PCDHA3: variants seen among roughly 807,000 people sequenced by gnomAD.
PCDHA3 encodes the protein protocadherin alpha-3.
Under a neutral mutation model 62.2 loss-of-function variants are expected in PCDHA3, and 41 were observed. The observed-to-expected ratio is 0.66, with a 90% CI of 0.51 to 0.86. The LOEUF is 0.86. Among genes scored for constraint, PCDHA3 ranks in the 40% least tolerant of loss-of-function variants. PCDHA3 has a pLI of 0.00. For missense variants in PCDHA3, 1,304 were observed against 1,241.2 expected, an observed-to-expected ratio of 1.05 and a Z score of -0.76; for synonymous variants, 640 against 555.4, an observed-to-expected ratio of 1.15 and a Z score of -2.14.
In PCDHA3 at chr5:140,843,131, A is replaced by T. The variant is rs1778597379; in HGVS notation, c.2394+39540A>T. 3 of 1,596,044 alleles carry T rather than the reference A, an allele frequency of 1.9e-6. No homozygotes were observed. The African/African-American group carries it at 4.0e-5, about 21-fold the overall frequency. On this transcript the variant is annotated intron_variant, in intron 1 of 3. Coordinates refer to ENST00000522353, the MANE Select transcript of PCDHA3 (RefSeq NM_018906.3). ...CGCAGTGGACGCCGACTCGGGCTAC[A>T]ACGCGTGGCTTTCGTATGAGCTGCA...
chr5:140,876,685 T>C, intron 1 of PCDHA3: 1 of 1,614,216 alleles, frequency 6.2e-7, no homozygotes, highest in Non-Finnish European at 8.5e-7. Flanking sequence ...CAAGAATTAC[T>C]ACTCGTTGGT....
chr5:140,909,684 G>A (rs2074634664), intron 1 of PCDHA3, among the ~76,000 whole-genome samples: 1 of 152,220 alleles, frequency 6.6e-6, no homozygotes, highest in Non-Finnish European at 1.5e-5. Context: ...GGGAGCCAAT[G>A]TGGGGGTTCT....
chr5:140,847,960 C>T (rs1781264454), intron 1 of PCDHA3: 1 of 152,930 alleles, frequency 6.5e-6, no homozygotes. Context: ...ACACTAGAAT[C>T]CTATTTCGAG....
chr5:140,843,262 G>T (rs2150356218), intron 1 of PCDHA3: 4 of 1,596,090 alleles, frequency 2.5e-6, no homozygotes, highest in Admixed American at 1.7e-5. Flanking sequence ...GCCACCGTCT[G>T]CTGGTCCTGG....
intron 1 of PCDHA3, chr5:140,803,798 T>G: frequency 1.3e-6 from 1 of 793,240 alleles, no homozygotes; most frequent in Non-Finnish European, 1.9e-6. Context: ...ATATCCACAC[T>G]TGTAATTTTG....
intron 1 of PCDHA3, among the ~76,000 whole-genome samples, chr5:140,840,661 C>T (rs1401967763): frequency 6.6e-6 from 1 of 151,916 alleles, no homozygotes; most frequent in East Asian, 1.9e-4. Flanking sequence ...AGAATATGCA[C>T]ATACATTTTT....
chr5:140,988,957 C>G (rs2097322513), intron 3 of PCDHA3: 1 of 152,120 alleles, frequency 6.6e-6, no homozygotes. Context: ...TTCCTTCAAG[C>G]CCCACGATGG....
intron 1 of PCDHA3, chr5:140,868,434 C>A (rs1581841717): frequency 6.6e-6 from 1 of 152,092 alleles, no homozygotes; most frequent in East Asian, 1.9e-4. Context: ...GAGAATAGAT[C>A]ATGTGGAACA....
At chr5:140,963,091 T>C (rs1250580965) in intron 1 of PCDHA3, among the ~76,000 whole-genome samples, 1 of 152,162 alleles carries the variant, frequency 6.6e-6, no homozygotes, top group African/African-American at 2.4e-5. Flanking sequence ...AAGACATGGC[T>C]CCTGCTTTCA....
rs1286159283 is a variant in PCDHA3 at position 140,856,342 on chromosome 5, C to G, written c.2394+52751C>G. The G allele has an allele frequency of 5.6e-6, 9 of 1,598,384 alleles. 1 individual carries two copies. In the Admixed American group the frequency reaches 1.3e-4, roughly 24 times the overall value. On this transcript the variant is annotated intron_variant, in intron 1 of 3. Transcript: ENST00000522353. ...ACCGCGAGGAGCTGTGCGGGCGGAG[C>G]GTGGAGTGCAGCATCCACCTGGAGG...
intron 1 of PCDHA3, among the ~76,000 whole-genome samples, chr5:140,902,579 A>G (rs2069572489): frequency 6.6e-6 from 1 of 152,078 alleles, no homozygotes. Flanking sequence ...TAAGATTTCA[A>G]TAGTTTTGGG....
At position 140,870,884 on chromosome 5, in the gene PCDHA3, G is replaced by T. The variant is rs376620715; in HGVS notation, c.2394+67293G>T. On this transcript the variant is annotated intron_variant, in intron 1 of 3. Coordinates refer to ENST00000522353, the MANE Select transcript of PCDHA3 (RefSeq NM_018906.3). ...GCGGGCCACGTGGTGGCGAAGGTGC[G>T]CGCAGTGGATGCGGACTCAGGCTAC... is the stretch of plus-strand genomic sequence containing the variant. The T allele has an allele frequency of 9.3e-6, 15 of 1,613,948 alleles. No individual in the cohort carries two copies. In the African/African-American group the frequency reaches 1.7e-4, roughly 19 times the overall value.
At chr5:140,988,503 GAA>G (rs2097300771) in intron 3 of PCDHA3, among the ~76,000 whole-genome samples, 1 of 152,152 alleles carries the variant, frequency 6.6e-6, no homozygotes, top group Non-Finnish European at 1.5e-5. Flanking sequence ...GAGAAGCCAT[GAA>G]GCTTACTTAA....
At chr5:140,830,868 G>A (rs2150190199) in intron 1 of PCDHA3, 7 of 153,410 alleles carry the variant, frequency 4.6e-5, no homozygotes, top group African/African-American at 9.6e-5. Context: ...ATCATATATT[G>A]AAATTTGAGC....
Position 140,801,489 on chromosome 5 carries a change from C to A in PCDHA3, c.292C>A (p.Arg98=). The part of the protein sequence containing the change: ...SRIDREELCG[R]SAECSIHLEV... ...GATAGACCGCGAGGAACTGTGCGGG[C>A]GGAGCGCGGAGTGCAGCATCCACCT... Residue 98 remains arginine (R), a synonymous_variant, in exon 1 of 4, where the codon CGG becomes AGG. Coordinates refer to ENST00000522353, the MANE Select transcript of PCDHA3 (RefSeq NM_018906.3). The A allele has an allele frequency of 2.5e-6, 4 of 1,614,092 alleles. 1 individual carries two copies. Among genetic ancestry groups the A allele is most frequent in the Non-Finnish European group, 2.5e-6 (3 of 1,180,042 alleles).
At chr5:140,857,718 A>G in intron 1 of PCDHA3, 1 of 1,597,160 alleles carries the variant, frequency 6.3e-7, no homozygotes, top group Non-Finnish European at 8.6e-7. Context: ...GTGCTGGACG[A>G]GAACGACAAC....
intron 1 of PCDHA3, among the ~76,000 whole-genome samples, chr5:140,920,909 C>A (rs2079923809): frequency 6.6e-6 from 1 of 151,058 alleles, no homozygotes; most frequent in Admixed American, 6.6e-5. Context: ...GTTCTCAAAT[C>A]AGTTCCAAGA....
Position 141,010,188 on chromosome 5 carries a change from T to A in PCDHA3, c.*251T>A. ...CAGAACCTAAAAAGCAGACCCAAGT[T>A]TCCTTTCTCCTCCGCCGCAAAGGAG... is the stretch of plus-strand genomic sequence containing the variant. On this transcript the variant is annotated 3_prime_UTR_variant, in exon 4 of 4. Coordinates refer to ENST00000522353, the MANE Select transcript of PCDHA3 (RefSeq NM_018906.3). 6.4e-7 allele frequency: 1 copy of A among 1,553,070 alleles called. No individual in the cohort carries two copies. The highest frequency in any genetic ancestry group is 1.2e-5 in the South Asian group (1 of 84,340).
chr5:140,997,046 T>C (rs2097756944), intron 3 of PCDHA3, among the ~76,000 whole-genome samples: 1 of 152,176 alleles, frequency 6.6e-6, no homozygotes, highest in Admixed American at 6.5e-5. Flanking sequence ...AACTTTACTT[T>C]TTAGAGCAGT....
Sources: allele counts gnomAD v4.1 joint callset (sites outside exome capture counted in the v4.1 genomes callset), GRCh38; gene constraint gnomAD v4.1.1; transcripts MANE v1.5; gene names NCBI Gene and HGNC (gene_info 2026-07-23, HGNC 2026-07-21).